DGKB: variants seen among roughly 807,000 people sequenced by gnomAD.
DGKB encodes diacylglycerol kinase beta, also known as 90 kDa diacylglycerol kinase.
Under a neutral mutation model 114.3 loss-of-function variants are expected in DGKB, and 67 were observed. That is an observed-to-expected ratio of 0.59 (90% CI 0.48 to 0.72). DGKB has a LOEUF of 0.72. Among genes scored for constraint, DGKB ranks in the 30% least tolerant of loss-of-function variants. The pLI is 0.00. For missense variants in DGKB, 907 were observed against 975.2 expected, an observed-to-expected ratio of 0.93 and a Z score of 0.93; for synonymous variants, 398 against 323.1, an observed-to-expected ratio of 1.23 and a Z score of -2.49.
intron 25 of DGKB, among the ~76,000 whole-genome samples, chr7:14,166,795 A>C (rs1401007235): frequency 1.3e-5 from 2 of 152,168 alleles, no homozygotes; most frequent in Non-Finnish European, 2.9e-5. Context: ...ACTTAAAAGC[A>C]GAACAAAAAC....
chr7:14,898,786 G>A (rs1336905466), intron 1 of DGKB, among the ~76,000 whole-genome samples: 6 of 152,052 alleles, frequency 3.9e-5, no homozygotes, highest in African/African-American at 7.2e-5. Flanking sequence ...CATCCAGTTC[G>A]CTTATGGAGC....
At chr7:14,472,618 G>A (rs1325714831) in intron 21 of DGKB, among the ~76,000 whole-genome samples, 2 of 152,174 alleles carry the variant, frequency 1.3e-5, no homozygotes, top group African/African-American at 4.8e-5. Flanking sequence ...GCAGAGGTTG[G>A]AACACTTTGG....
intron 2 of DGKB, among the ~76,000 whole-genome samples, chr7:14,765,483 C>T (rs1047845868): frequency 6.6e-6 from 1 of 151,836 alleles, no homozygotes; most frequent in African/African-American, 2.4e-5. Context: ...GTTGTTAATC[C>T]TCTTAAACAT....
At chr7:14,601,289 C>A (rs928957393) in intron 17 of DGKB, among the ~76,000 whole-genome samples, 4 of 152,092 alleles carry the variant, frequency 2.6e-5, no homozygotes, top group Non-Finnish European at 5.9e-5. Context: ...CCCACAGGTG[C>A]TCTGAATCCC....
intron 1 of DGKB, among the ~76,000 whole-genome samples, chr7:14,922,609 C>G (rs982465090): frequency 6.6e-6 from 1 of 151,954 alleles, no homozygotes; most frequent in African/African-American, 2.4e-5. Context: ...TATATACTTG[C>G]TTCATTTCAG....
intron 21 of DGKB, among the ~76,000 whole-genome samples, chr7:14,422,562 T>C (rs964396498): frequency 6.6e-5 from 10 of 152,014 alleles, no homozygotes; most frequent in African/African-American, 2.2e-4. Context: ...TAATTTCAAA[T>C]ACCCAAAACT....
chr7:14,428,929 A>AT (rs1287123186), intron 21 of DGKB, among the ~76,000 whole-genome samples: 8 of 152,138 alleles, frequency 5.3e-5, no homozygotes, highest in Non-Finnish European at 1.0e-4. Flanking sequence ...AAAAATATAA[A>AT]TTTTTTATCT....
At chr7:14,682,465 C>A in intron 12 of DGKB, 88 bp downstream of exon 12, 2 of 853,082 alleles carry the variant, frequency 2.3e-6, no homozygotes, top group Non-Finnish European at 1.9e-6. Context: ...TTTCAGGAAG[C>A]CCTTCTAGGG....
chr7:14,595,178 T>C (rs1445231955), intron 17 of DGKB, among the ~76,000 whole-genome samples: 1 of 151,782 alleles, frequency 6.6e-6, no homozygotes, highest in Non-Finnish European at 1.5e-5. Flanking sequence ...TGAGGAGAAA[T>C]TGAGTGAAGG....
At chr7:14,295,927 A>G (rs113399261) in intron 23 of DGKB, among the ~76,000 whole-genome samples, 2 of 151,226 alleles carry the variant, frequency 1.3e-5, no homozygotes, top group Non-Finnish European at 3.0e-5. Flanking sequence ...TTATTGTTCA[A>G]CTCCTACTTA....
At chr7:14,920,492 A>G (rs1467517774) in intron 1 of DGKB, among the ~76,000 whole-genome samples, 2 of 152,212 alleles carry the variant, frequency 1.3e-5, no homozygotes, top group Non-Finnish European at 2.9e-5. Flanking sequence ...AAAATTCTCC[A>G]ATACGCAATG....
intron 20 of DGKB, among the ~76,000 whole-genome samples, chr7:14,552,747 T>C (rs1321539463): frequency 6.6e-6 from 1 of 152,208 alleles, no homozygotes; most frequent in Non-Finnish European, 1.5e-5. Context: ...CTAGGAAAAA[T>C]TAAATGTTTT....
intron 25 of DGKB, among the ~76,000 whole-genome samples, chr7:14,167,698 G>A (rs1446804383): frequency 6.6e-6 from 1 of 151,960 alleles, no homozygotes; most frequent in Middle Eastern, 3.4e-3. Flanking sequence ...TTACAAGTAA[G>A]ATACATCTGA....
chr7:14,176,951 A>G (rs1781833534), intron 24 of DGKB, 52 bp from the exon 25 acceptor site: 1 of 1,607,224 alleles, frequency 6.2e-7, no homozygotes, highest in South Asian at 1.1e-5. Context: ...TTTATATTAC[A>G]GACTATATGT....
At chr7:14,279,000 GT>G (rs1799449521) in intron 23 of DGKB, among the ~76,000 whole-genome samples, 1 of 152,194 alleles carries the variant, frequency 6.6e-6, no homozygotes, top group Admixed American at 6.5e-5. Context: ...GTGCCAGACA[GT>G]GGGCGCAGGT....
chr7:14,682,502 A>G (rs895712909), intron 12 of DGKB, 51 bp downstream of exon 12: 9 of 1,222,576 alleles, frequency 7.4e-6, no homozygotes, highest in African/African-American at 1.5e-5. Flanking sequence ...TATGATATAC[A>G]CGTCTTCAGT....
intron 21 of DGKB, among the ~76,000 whole-genome samples, chr7:14,464,025 C>G (rs1316520795): frequency 2.0e-5 from 3 of 150,634 alleles, no homozygotes; most frequent in Non-Finnish European, 4.4e-5. Flanking sequence ...TCATGGTAAC[C>G]AAGCTTTTTT....
At chr7:14,814,158 A>G (rs1843786557) in intron 2 of DGKB, 1 of 152,176 alleles carries the variant, frequency 6.6e-6, no homozygotes, top group Non-Finnish European at 1.5e-5. Flanking sequence ...TGAGTGACCC[A>G]ATTCTATTTA....
chr7:14,466,692 T>A (rs970872657), intron 21 of DGKB, among the ~76,000 whole-genome samples: 35 of 150,332 alleles, frequency 2.3e-4, no homozygotes, highest in Admixed American at 6.0e-4. Context: ...GTGGTGCACA[T>A]CTGTAGTCCC....
Sources: gnomAD v4.1 joint callset for allele counts (sites outside exome capture counted in the v4.1 genomes callset) on GRCh38, gnomAD v4.1.1 for gene constraint, MANE v1.5 for transcripts, NCBI Gene and HGNC (gene_info 2026-07-23, HGNC 2026-07-21) for gene names.